Variants in NEK1 observed in about 807,000 individuals in gnomAD.
NEK1 encodes serine/threonine-protein kinase Nek1.
NEK1 carries 137 observed loss-of-function variants against 182.1 expected under a neutral mutation model. The ratio of observed to expected loss-of-function variants is 0.75; its 90% CI spans 0.65 to 0.87. The LOEUF is 0.87. Ranked by LOEUF, NEK1 falls within the 40% of genes least tolerant of loss-of-function variation. NEK1 has a pLI of 0.00. For missense variants in NEK1, 1,391 were observed against 1,494.4 expected (o/e 0.93, Z 1.14); for synonymous variants, 513 against 492.2 (o/e 1.04, Z -0.56).
Position 169,602,619 on chromosome 4 carries a change from ATACT to A in NEK1, c.8_11del (p.Lys3MetfsTer55). 6.3e-7 allele frequency: 1 copy of A among 1,579,924 alleles called. No homozygotes were observed. Among genetic ancestry groups the A allele is most frequent in the Non-Finnish European group, 8.7e-7 (1 of 1,150,286 alleles). The stretch of plus-strand genomic sequence containing the variant: ...CTTCTCCAATCTTCTGTAGTCTAAC[ATACT>A]TCTCCATGATTCTTTTTCTAAGGCA... On this transcript the variant is annotated frameshift_variant, in exon 3 of 36. Coordinates refer to ENST00000507142, the MANE Select transcript of NEK1 (RefSeq NM_001199397.3). LOFTEE classifies it high-confidence loss of function.
chr4:169,578,460 G>C (rs1402681383), intron 11 of NEK1, among the ~76,000 whole-genome samples: 3 of 151,898 alleles, frequency 2.0e-5, no homozygotes, highest in Non-Finnish European at 4.4e-5. Context: ...TTTTAGGAGG[G>C]GAAAGGAGAA....
At chr4:169,420,175 A>G (rs759586553) in intron 31 of NEK1, among the ~76,000 whole-genome samples, 25 of 152,210 alleles carry the variant, frequency 1.6e-4, no homozygotes, top group Admixed American at 4.6e-4. Context: ...GGTCAGGATC[A>G]TCAACATCAC....
chr4:169,571,820 T>C (rs898778613), intron 12 of NEK1, among the ~76,000 whole-genome samples: 4 of 151,812 alleles, frequency 2.6e-5, no homozygotes, highest in Non-Finnish European at 5.9e-5. Context: ...CCTCTGCCTC[T>C]CAGGTTCAAG....
intron 22 of NEK1, 50 bp from the exon 23 acceptor site, chr4:169,507,182 G>C (rs1580321411): frequency 2.3e-6 from 2 of 853,056 alleles, no homozygotes; most frequent in East Asian, 6.3e-5. Context: ...GAAGGGCAGA[G>C]GTTTTTTTTT....
intron 2 of NEK1, 29 bp downstream of exon 2, chr4:169,611,991 T>G (rs1772398180): frequency 6.6e-6 from 1 of 152,262 alleles, no homozygotes; most frequent in Non-Finnish European, 1.5e-5. Flanking sequence ...CCATTTTGCA[T>G]GTCATTCCTT....
intron 31 of NEK1, among the ~76,000 whole-genome samples, chr4:169,410,327 A>AT (rs1176866421): frequency 4.6e-5 from 7 of 151,832 alleles, no homozygotes; most frequent in South Asian, 4.2e-4. Context: ...GGTTAGTTCT[A>AT]TTTTTTTTCA....
intron 5 of NEK1, among the ~76,000 whole-genome samples, chr4:169,598,043 G>A (rs1208974473): frequency 6.6e-6 from 1 of 152,046 alleles, no homozygotes; most frequent in Non-Finnish European, 1.5e-5. Flanking sequence ...AAGAAAGTCT[G>A]GAAGAATACA....
chr4:169,482,422 G>T (rs949111665), intron 23 of NEK1, among the ~76,000 whole-genome samples: 2 of 151,452 alleles, frequency 1.3e-5, no homozygotes, highest in African/African-American at 2.4e-5. Context: ...TTCTCAATGT[G>T]GTTGGGACTA....
At chr4:169,430,745 TTTAAG>T (rs1338030611) in intron 29 of NEK1, among the ~76,000 whole-genome samples, 2 of 152,094 alleles carry the variant, frequency 1.3e-5, no homozygotes, top group Non-Finnish European at 2.9e-5. Flanking sequence ...AACTATAAAC[TTTAAG>T]TTAATAGTAA....
intron 31 of NEK1, among the ~76,000 whole-genome samples, chr4:169,419,314 C>T (rs559552898): frequency 9.5e-4 from 144 of 150,960 alleles, no homozygotes; most frequent in Non-Finnish European, 1.5e-3. Flanking sequence ...GAAATGAAAA[C>T]ACTTTCATAC....
intron 12 of NEK1, among the ~76,000 whole-genome samples, chr4:169,569,746 G>A (rs1482803225): frequency 7.2e-5 from 11 of 152,070 alleles, no homozygotes; most frequent in South Asian, 6.3e-4. Context: ...CGCCAGCCTC[G>A]GCCTCCCGAG....
rs752326227 is a variant in NEK1, at chr4:169,576,932, TTA to T, written c.1014_1015del (p.His338GlnfsTer22). The T allele has an allele frequency of 6.3e-6, 10 of 1,599,758 alleles. No individual in the cohort carries two copies. The highest frequency in any genetic ancestry group is 5.6e-5 in the South Asian group (5 of 89,870). On this transcript the variant is annotated frameshift_variant, in exon 12 of 36. Coordinates refer to ENST00000507142, the MANE Select transcript of NEK1 (RefSeq NM_001199397.3). LOFTEE classifies it high-confidence loss of function. The stretch of plus-strand genomic sequence containing the variant: ...TGGTATGTAACATGATCATACCTGT[TTA>T]TGTTTTTGCAGTGGTTTCTTTTCGT...
intron 19 of NEK1, among the ~76,000 whole-genome samples, chr4:169,521,087 C>G (rs1196176875): frequency 1.2e-5 from 1 of 82,076 alleles, no homozygotes; most frequent in Non-Finnish European, 2.5e-5. Context: ...TGGGCAATGG[C>G]GGGCGCCCCT....
At chr4:169,471,502 G>A (rs937002032) in intron 26 of NEK1, among the ~76,000 whole-genome samples, 10 of 152,154 alleles carry the variant, frequency 6.6e-5, no homozygotes, top group East Asian at 3.9e-4. Flanking sequence ...TGGAAGCTTC[G>A]TCGCAGAGAG....
Position 169,394,211 on chromosome 4 carries a change from T to C in NEK1, c.*299A>G, listed in dbSNP as rs376535952. 11 of 253,704 alleles carry C rather than the reference T, an allele frequency of 4.3e-5. No homozygotes were observed. The highest frequency in any genetic ancestry group is 6.7e-5 in the Non-Finnish European group (9 of 134,850). 15.7% of individuals were successfully genotyped at this position (253,704 alleles called of 1,614,324 possible). A position where few individuals can be genotyped will look rare whatever the true frequency, so the allele number is the denominator to read the frequency against. On this transcript the variant is annotated 3_prime_UTR_variant, in exon 36 of 36. Transcript: ENST00000507142. ...CAAAGTTACCCTATTGCATAGTAAA[T>C]CTTCAAAACCATTAAGTCAGGTTCT...
intron 27 of NEK1, among the ~76,000 whole-genome samples, chr4:169,445,692 G>C (rs1740369868): frequency 1.3e-5 from 2 of 150,390 alleles, no homozygotes; most frequent in Non-Finnish European, 3.0e-5. Context: ...GGAGGGAGTG[G>C]GGAGAAGGCA....
At chr4:169,507,449 AT>A (rs1199456244) in intron 22 of NEK1, among the ~76,000 whole-genome samples, 1 of 152,098 alleles carries the variant, frequency 6.6e-6, no homozygotes, top group Admixed American at 6.5e-5. Context: ...ATATTCGTAT[AT>A]TTTTTATTTT....
chr4:169,514,481 T>C (rs987862393), intron 19 of NEK1, among the ~76,000 whole-genome samples: 1 of 152,198 alleles, frequency 6.6e-6, no homozygotes, highest in African/African-American at 2.4e-5. Context: ...TGGTAAAATT[T>C]TCCAGTGAAA....
chr4:169,478,615 T>TAA (rs919904833), intron 24 of NEK1, among the ~76,000 whole-genome samples: 1 of 151,092 alleles, frequency 6.6e-6, no homozygotes, highest in Non-Finnish European at 1.5e-5. Context: ...CCAAAGGCTA[T>TAA]AAAAAAAAAC....
Sources: gnomAD v4.1 joint callset for allele counts (sites outside exome capture counted in the v4.1 genomes callset) on GRCh38, gnomAD v4.1.1 for gene constraint, MANE v1.5 for transcripts, NCBI Gene and HGNC (gene_info 2026-07-23, HGNC 2026-07-21) for gene names.